The following KIAA1217 variants were observed in gnomAD, a reference collection of about 807,000 sequenced individuals.
KIAA1217 encodes sickle tail protein homolog.
A neutral mutation model predicts 163.9 loss-of-function variants in KIAA1217; 88 were observed. That is an observed-to-expected ratio of 0.54 (90% CI 0.45 to 0.64). The LOEUF is 0.64. Among genes scored for constraint, KIAA1217 ranks in the 30% least tolerant of loss-of-function variants. KIAA1217 has a pLI of 0.00. For missense variants in KIAA1217, 2,372 were observed against 2,475.0 expected, an observed-to-expected ratio of 0.96 and a Z score of 0.88; for synonymous variants, 903 against 923.1, an observed-to-expected ratio of 0.98 and a Z score of 0.39.
intron 1 of KIAA1217, among the ~76,000 whole-genome samples, chr10:23,781,079 A>T (rs1835237808): frequency 6.6e-6 from 1 of 152,136 alleles, no homozygotes; most frequent in Non-Finnish European, 1.5e-5. Flanking sequence ...GGGAGTGCAG[A>T]TATCTTTATG....
At chr10:23,751,606 A>AG (rs1839744002) in intron 1 of KIAA1217, among the ~76,000 whole-genome samples, 1 of 152,120 alleles carries the variant, frequency 6.6e-6, no homozygotes, top group African/African-American at 2.4e-5. Flanking sequence ...TAAAAAAAAA[A>AG]GAAATTTCTT....
chr10:23,723,830 G>A (rs115674592), intron 1 of KIAA1217, among the ~76,000 whole-genome samples: 7,981 of 152,038 alleles, frequency 0.052, 695 homozygotes, highest in African/African-American at 0.18. Context: ...GTATTAGGCC[G>A]TTCTCAGATT....
intron 1 of KIAA1217, among the ~76,000 whole-genome samples, chr10:23,718,088 G>A (rs536041555): frequency 4.6e-5 from 7 of 152,298 alleles, no homozygotes; most frequent in African/African-American, 1.7e-4. Context: ...TTCAGTAGGT[G>A]TGGAATCTAT....
At chr10:24,545,326 C>A in intron 20 of KIAA1217, 1 of 1,401,300 alleles carries the variant, frequency 7.1e-7, no homozygotes, top group Non-Finnish European at 9.3e-7. Flanking sequence ...ACTCCAAACT[C>A]CAAATTTTAA....
intron 1 of KIAA1217, among the ~76,000 whole-genome samples, chr10:23,800,114 T>G (rs943249518): frequency 1.3e-5 from 2 of 152,082 alleles, no homozygotes; most frequent in African/African-American, 2.4e-5. Flanking sequence ...TCTCATATTT[T>G]CACAAAAATG....
intron 5 of KIAA1217, among the ~76,000 whole-genome samples, chr10:24,440,965 T>A (rs1020109172): frequency 6.6e-6 from 1 of 152,202 alleles, no homozygotes; most frequent in African/African-American, 2.4e-5. Context: ...TCTTTTTCCT[T>A]TCTTGATGAA....
At chr10:23,849,068 A>G (rs1165707907) in intron 1 of KIAA1217, among the ~76,000 whole-genome samples, 2 of 152,100 alleles carry the variant, frequency 1.3e-5, no homozygotes, top group Non-Finnish European at 1.5e-5. Flanking sequence ...GTTAGATGAA[A>G]GAATGGGGAA....
chr10:24,291,142 C>T (rs1377045049), intron 2 of KIAA1217, among the ~76,000 whole-genome samples: 1 of 152,162 alleles, frequency 6.6e-6, no homozygotes, highest in African/African-American at 2.4e-5. Context: ...TTGTGGACAA[C>T]AAAGACCCAC....
intron 2 of KIAA1217, among the ~76,000 whole-genome samples, chr10:24,156,533 A>G (rs2064883446): frequency 6.6e-6 from 1 of 152,148 alleles, no homozygotes; most frequent in African/African-American, 2.4e-5. Flanking sequence ...TGCCTCTCCC[A>G]AGGTAAGCCA....
At chr10:24,532,640 C>G (rs1297213995) in intron 15 of KIAA1217, among the ~76,000 whole-genome samples, 1 of 152,132 alleles carries the variant, frequency 6.6e-6, no homozygotes, top group Non-Finnish European at 1.5e-5. Context: ...AGAGATTGTG[C>G]AGGGGAACTC....
intron 13 of KIAA1217, among the ~76,000 whole-genome samples, chr10:24,526,626 C>T (rs900956302): frequency 6.6e-6 from 1 of 152,088 alleles, no homozygotes; most frequent in African/African-American, 2.4e-5. Context: ...GGTATGGAGG[C>T]CTGGGTTTTT....
rs939325917 is a variant in KIAA1217, at chr10:24,294,124, C to G, written c.354+74215C>G. ...AATGGCATGAACCTGGGAGGCGGAG[C>G]TTGCAGTGAGCCGAGATAGCGCCAC... On this transcript the variant is annotated intron_variant, in intron 2 of 20. Transcript: ENST00000376454. Among the ~76,000 whole-genome samples, 5 of 123,958 alleles carry G rather than the reference C, an allele frequency of 4.0e-5. No individual in the cohort carries two copies. The Admixed American group carries it at 4.3e-4, about 11-fold the overall frequency. The allele number at this position is 123,958 out of a possible 152,430, so 81.3% of individuals were successfully genotyped here. A position where few individuals can be genotyped will look rare whatever the true frequency, so the allele number is the denominator to read the frequency against.
At chr10:23,782,573 C>T (rs1835306607) in intron 1 of KIAA1217, among the ~76,000 whole-genome samples, 2 of 152,184 alleles carry the variant, frequency 1.3e-5, no homozygotes, top group African/African-American at 2.4e-5. Context: ...GCTGGGACTA[C>T]ATGCATGAGC....
chr10:24,222,290 A>G lies in KIAA1217; in HGVS notation c.354+2381A>G, dbSNP rs531926790. On this transcript the variant is annotated intron_variant, in intron 2 of 20. Transcript: ENST00000376454. ...TGATAATGAGGGATGAACAAGTCAC[A>G]TTCTATCTTTCTGCCTCTTTTGTAC... 7.2e-5 allele frequency among the ~76,000 whole-genome samples: 11 copies of G among 152,332 alleles called. No homozygotes were observed. In the South Asian group the frequency reaches 2.3e-3, roughly 32 times the overall value.
At position 24,532,328 on chromosome 10, in the gene KIAA1217, C is replaced by T. The variant is rs117971574; in HGVS notation, c.3246+335C>T. ...TCCAAAGGTAACTGAGGTGAGCTGACACCGTTGTGGGAGTCTATACAGAAA... is the reference window on the plus strand; with the variant it reads ...TCCAAAGGTAACTGAGGTGAGCTGATACCGTTGTGGGAGTCTATACAGAAA... On this transcript the variant is annotated intron_variant, in intron 15 of 20. Coordinates refer to ENST00000376454, the MANE Select transcript of KIAA1217 (RefSeq NM_019590.5). Among the ~76,000 whole-genome samples, 11 of 152,332 alleles carry T rather than the reference C, an allele frequency of 7.2e-5. No homozygotes were observed. In the East Asian group the frequency reaches 2.1e-3, roughly 29 times the overall value.
At chr10:24,276,307 A>C (rs1374185104) in intron 2 of KIAA1217, among the ~76,000 whole-genome samples, 1 of 152,220 alleles carries the variant, frequency 6.6e-6, no homozygotes, top group Non-Finnish European at 1.5e-5. Flanking sequence ...ATGTCCTTTG[A>C]AAAATGAAAG....
At chr10:24,510,546 A>C (rs1366739488) in intron 9 of KIAA1217, among the ~76,000 whole-genome samples, 6 of 152,160 alleles carry the variant, frequency 3.9e-5, no homozygotes, top group African/African-American at 7.2e-5. Flanking sequence ...GACCAGTAAA[A>C]TGAGAATCTC....
chr10:24,087,918 C>G lies in KIAA1217; in HGVS notation c.-171+80544C>G, dbSNP rs187933512. 3.9e-5 allele frequency among the ~76,000 whole-genome samples: 5 copies of G among 127,564 alleles called. 1 individual carries two copies. Among genetic ancestry groups the G allele is most frequent in the African/African-American group, 1.2e-4 (5 of 40,744 alleles). 83.7% of individuals were successfully genotyped at this position (127,564 alleles called of 152,430 possible). ...TATGCCAGATCAGAGCTGTGGTGGC[C>G]TCCCAAGCCTTCCCATGATGAAAAG... On this transcript the variant is annotated intron_variant, in intron 2 of 18. Transcript: ENST00000376462.
chr10:24,435,298 A>C (rs1250085147), intron 4 of KIAA1217, among the ~76,000 whole-genome samples: 1 of 152,246 alleles, frequency 6.6e-6, no homozygotes, highest in Non-Finnish European at 1.5e-5. Context: ...CTAAATTATT[A>C]ATCAAGCTGT....
Sources: gnomAD v4.1 joint callset for allele counts (sites outside exome capture counted in the v4.1 genomes callset) on GRCh38, gnomAD v4.1.1 for gene constraint, MANE v1.5 for transcripts, NCBI Gene and HGNC (gene_info 2026-07-23, HGNC 2026-07-21) for gene names.